The following CUX2 variants were observed in gnomAD, a reference collection of about 807,000 sequenced individuals.
CUX2 encodes the protein homeobox protein cut-like 2.
CUX2 carries 40 observed loss-of-function variants against 144.8 expected under a neutral mutation model. The observed-to-expected ratio is 0.28, with a 90% confidence interval of 0.21 to 0.36. The LOEUF (loss-of-function observed/expected upper bound fraction) is 0.36, where lower values mean the gene tolerates loss of function less well. CUX2 is among the 10% of genes least tolerant of loss of function. CUX2 has a pLI of 1.00. For synonymous variants in CUX2, 827 were observed against 875.6 expected (o/e 0.94, Z 0.98); for missense variants, 1,615 against 1,994.0 (o/e 0.81, Z 3.62).
At chr12:111,137,796 T>C (rs1046131075) in intron 1 of CUX2, among the ~76,000 whole-genome samples, 3 of 152,248 alleles carry the variant, frequency 2.0e-5, no homozygotes, top group Non-Finnish European at 2.9e-5. Flanking sequence ...ATTATAGGCA[T>C]GAACCAGCCA....
At chr12:111,318,601 A>T (rs958026522) in intron 16 of CUX2, among the ~76,000 whole-genome samples, 2 of 147,132 alleles carry the variant, frequency 1.4e-5, no homozygotes. Context: ...TCTTTTTTTA[A>T]AAAAAAAAAA....
At chr12:111,052,105 G>T (rs1377186510) in intron 1 of CUX2, among the ~76,000 whole-genome samples, 1 of 151,650 alleles carries the variant, frequency 6.6e-6, no homozygotes, top group African/African-American at 2.4e-5. Flanking sequence ...TTGTTTCCCC[G>T]GCACCATAGC....
chr12:111,313,476 C>T (rs970530879), intron 16 of CUX2, among the ~76,000 whole-genome samples: 1 of 150,068 alleles, frequency 6.7e-6, no homozygotes, highest in Non-Finnish European at 1.5e-5. Flanking sequence ...CCTGTCTCTA[C>T]TAAACATACA....
chr12:111,174,989 A>G (rs563753794), intron 1 of CUX2, among the ~76,000 whole-genome samples: 23 of 152,362 alleles, frequency 1.5e-4, no homozygotes, highest in Non-Finnish European at 2.8e-4. Flanking sequence ...AAGAGGAGTC[A>G]CCATGCAGTC....
intron 1 of CUX2, among the ~76,000 whole-genome samples, chr12:111,072,896 C>T (rs1396431801): frequency 6.6e-6 from 1 of 152,186 alleles, no homozygotes; most frequent in East Asian, 1.9e-4. Flanking sequence ...AACACATTTG[C>T]TGTTATCCTA....
Position 111,131,452 on chromosome 12 carries a change from C to G in CUX2, c.64-82748C>G, listed in dbSNP as rs561207431. On this transcript the variant is annotated intron_variant, in intron 1 of 21. Transcript: ENST00000261726. ...TTCCAAATCTCATGTCCTCTCATTT[C>G]AAAACCAATCATGCCTTCCCAACAG... Among the ~76,000 whole-genome samples the G allele has an allele frequency of 3.9e-5, 6 of 152,188 alleles. No individual in the cohort carries two copies. The East Asian group carries it at 1.2e-3, about 29-fold the overall frequency.
At chr12:111,129,592 C>T (rs1213156882) in intron 1 of CUX2, among the ~76,000 whole-genome samples, 6 of 152,234 alleles carry the variant, frequency 3.9e-5, no homozygotes, top group Admixed American at 3.9e-4. Context: ...CTCTGAGATC[C>T]ATCTGTCTTC....
intron 1 of CUX2, among the ~76,000 whole-genome samples, chr12:111,040,423 G>A (rs771180438): frequency 5.3e-5 from 8 of 151,752 alleles, no homozygotes; most frequent in Admixed American, 2.0e-4. Context: ...GTACCGCAGC[G>A]GCCTTCTCTT....
chr12:111,269,183 A>G (rs1884525344), intron 4 of CUX2, among the ~76,000 whole-genome samples: 1 of 152,210 alleles, frequency 6.6e-6, no homozygotes, highest in African/African-American at 2.4e-5. Context: ...CTTATCATAT[A>G]TGTGTCCAGC....
rs1011281259 is a variant in CUX2 at position 111,068,033 on chromosome 12, C to G, written c.63+33793C>G. ...AGAGTTACCTGCCCTCCCCACCGAT[C>G]ATACCCTAGTCCAGCAGGGAATGGC... is the stretch of plus-strand genomic sequence containing the variant. On this transcript the variant is annotated intron_variant, in intron 1 of 21. Coordinates refer to ENST00000261726, the MANE Select transcript of CUX2 (RefSeq NM_015267.4). This position sits in a 1 kb window ranked among gnomAD's most constrained non-coding sequence, Gnocchi z 4.9. Among the ~76,000 whole-genome samples the G allele has an allele frequency of 3.3e-5, 5 of 152,176 alleles. No individual in the cohort carries two copies. The highest frequency in any genetic ancestry group is 9.7e-5 in the African/African-American group (4 of 41,444).
intron 1 of CUX2, among the ~76,000 whole-genome samples, chr12:111,089,295 A>G (rs1284595060): frequency 6.6e-6 from 1 of 152,272 alleles, no homozygotes; most frequent in East Asian, 1.9e-4. Context: ...TGTGGCCTTA[A>G]GCAACTGATT....
chr12:111,310,756 C>T lies in CUX2; in HGVS notation c.1900+74C>T. On this transcript the variant is annotated intron_variant, in intron 15 of 21. Transcript: ENST00000261726. The surrounding 1 kb of genome is among the most constrained non-coding windows in gnomAD (Gnocchi z 7.9). The stretch of plus-strand genomic sequence containing the variant: ...GGGCATCAGGGCTGGGGGCTGAGGA[C>T]ACGCGCTCTGGGTTCAAAGCCCAGC... 4 of 1,481,396 alleles carry T rather than the reference C, an allele frequency of 2.7e-6. No homozygotes were observed. Among genetic ancestry groups the T allele is most frequent in the Admixed American group, 2.1e-5 (1 of 46,690 alleles). The allele number at this position is 1,481,396 out of a possible 1,614,324, so 91.8% of individuals were successfully genotyped here. A position where few individuals can be genotyped will look rare whatever the true frequency, so the allele number is the denominator to read the frequency against.
At chr12:111,122,248 T>C (rs1390674594) in intron 1 of CUX2, among the ~76,000 whole-genome samples, 1 of 152,226 alleles carries the variant, frequency 6.6e-6, no homozygotes, top group East Asian at 1.9e-4. Flanking sequence ...GACAGATCTT[T>C]TAATTTCCCC....
At chr12:111,303,221 GAAAAAAAAAAAAA>G (rs5800927) in intron 9 of CUX2, among the ~76,000 whole-genome samples, 6 of 49,392 alleles carry the variant, frequency 1.2e-4, no homozygotes, top group South Asian at 7.0e-4. Flanking sequence ...ACCCTGTCTC[GAAAAAAAAAAAAA>G]AAAAAAAAAA....
intron 16 of CUX2, among the ~76,000 whole-genome samples, chr12:111,316,282 GCA>G (rs1334709240): frequency 4.0e-4 from 60 of 150,588 alleles, no homozygotes; most frequent in Non-Finnish European, 6.0e-4. Context: ...GGGATTACAG[GCA>G]TGTGCCACCA....
chr12:111,044,030 G>C (rs966618532), intron 1 of CUX2, among the ~76,000 whole-genome samples: 4 of 152,186 alleles, frequency 2.6e-5, no homozygotes, highest in African/African-American at 9.7e-5. Flanking sequence ...GGACCCCTCT[G>C]CTAACTCCAT....
chr12:111,152,763 G>A (rs987009735), intron 1 of CUX2, among the ~76,000 whole-genome samples: 2 of 152,188 alleles, frequency 1.3e-5, no homozygotes, highest in African/African-American at 2.4e-5. Flanking sequence ...GCGGTGCTGC[G>A]GGAGCCTTGG....
chr12:111,330,718 T>TATACATATAC (rs1888069399), intron 18 of CUX2, among the ~76,000 whole-genome samples: 5 of 43,554 alleles, frequency 1.1e-4, no homozygotes, highest in South Asian at 1.5e-3. Flanking sequence ...TATATATATA[T>TATACATATAC]ATATATATAT....
chr12:111,113,162 AG>A (rs1218482791), intron 1 of CUX2, among the ~76,000 whole-genome samples: 1 of 152,054 alleles, frequency 6.6e-6, no homozygotes, highest in East Asian at 1.9e-4. Context: ...GGGAGCCGGG[AG>A]GGGTAGAGAG....
Sources: gnomAD v4.1 joint callset for allele counts (sites outside exome capture counted in the v4.1 genomes callset) on GRCh38, gnomAD v4.1.1 for gene constraint, Gnocchi (gnomAD v3.1) non-coding constraint, MANE v1.5 for transcripts, NCBI Gene and HGNC (gene_info 2026-07-23, HGNC 2026-07-21) for gene names.